Variants in CACHD1 observed in about 807,000 individuals in gnomAD.
CACHD1 encodes VWFA and cache domain-containing protein 1.
CACHD1 carries 71 observed loss-of-function variants against 138.7 expected under a neutral mutation model. The observed-to-expected ratio is 0.51, with a 90% CI of 0.42 to 0.62. The LOEUF (loss-of-function observed/expected upper bound fraction) is 0.62, where lower values mean the gene tolerates loss of function less well. Among genes scored for constraint, CACHD1 ranks in the 20% least tolerant of loss-of-function variants. CACHD1 has a pLI of 0.00. For synonymous variants in CACHD1, 578 were observed against 591.5 expected (o/e 0.98, Z 0.33); for missense variants, 1,389 against 1,625.3 (o/e 0.85, Z 2.50).
intron 11 of CACHD1, 37 bp downstream of exon 11, chr1:64,653,918 C>T (rs1472840125): frequency 6.3e-7 from 1 of 1,596,568 alleles, no homozygotes. Flanking sequence ...TTGTTTTTCC[C>T]TGAGAATGGG....
At chr1:64,559,802 G>C (rs1646825329) in intron 2 of CACHD1, among the ~76,000 whole-genome samples, 1 of 152,124 alleles carries the variant, frequency 6.6e-6, no homozygotes, top group African/African-American at 2.4e-5. Context: ...CTGCGAGCAG[G>C]TTTTTGAGCA....
At chr1:64,508,332 T>A (rs1454272155) in intron 1 of CACHD1, among the ~76,000 whole-genome samples, 1 of 152,208 alleles carries the variant, frequency 6.6e-6, no homozygotes, top group South Asian at 2.1e-4. Flanking sequence ...AGGAATTACA[T>A]GAGAATGCCT....
At position 64,691,585 on chromosome 1, in the gene CACHD1, G is replaced by T. The variant is rs1363226525; in HGVS notation, c.*24G>T. On this transcript the variant is annotated 3_prime_UTR_variant, in exon 27 of 27. Coordinates refer to ENST00000651257, the MANE Select transcript of CACHD1 (RefSeq NM_020925.4). ...AACAATCTCCTCACCTCCACGCCAAGATGAGATCTGGGAGCTACAGAATGT... is the reference window on the plus strand; with the variant it reads ...AACAATCTCCTCACCTCCACGCCAATATGAGATCTGGGAGCTACAGAATGT... The T allele has an allele frequency of 6.3e-7, 1 of 1,592,736 alleles. No individual in the cohort carries two copies. Among genetic ancestry groups the T allele is most frequent in the African/African-American group, 1.3e-5 (1 of 74,404 alleles).
chr1:64,684,552 GTTTTAAAA>G (rs1272238456), intron 26 of CACHD1, among the ~76,000 whole-genome samples: 1 of 151,840 alleles, frequency 6.6e-6, no homozygotes, highest in Non-Finnish European at 1.5e-5. Flanking sequence ...TAGTCAAAAA[GTTTTAAAA>G]GTTTAAAAGT....
chr1:64,499,742 G>A (rs1282472080), intron 1 of CACHD1, among the ~76,000 whole-genome samples: 1 of 152,158 alleles, frequency 6.6e-6, no homozygotes, highest in Non-Finnish European at 1.5e-5. Context: ...ATAATCTTCA[G>A]TACTTTGAAA....
intron 4 of CACHD1, among the ~76,000 whole-genome samples, chr1:64,609,381 T>C (rs943859867): frequency 6.6e-6 from 1 of 152,206 alleles, no homozygotes; most frequent in Non-Finnish European, 1.5e-5. Context: ...ATTAGTTGTA[T>C]AACATTTAAA....
intron 3 of CACHD1, among the ~76,000 whole-genome samples, chr1:64,586,168 C>G (rs1647049810): frequency 6.6e-6 from 1 of 152,142 alleles, no homozygotes; most frequent in Non-Finnish European, 1.5e-5. Flanking sequence ...GGCTCAAGCG[C>G]TTCTCACGCC....
intron 12 of CACHD1, among the ~76,000 whole-genome samples, chr1:64,657,472 T>C (rs1649304725): frequency 6.6e-6 from 1 of 152,136 alleles, no homozygotes; most frequent in African/African-American, 2.4e-5. Flanking sequence ...ACACACAACA[T>C]AGGAAAACAA....
At chr1:64,487,335 T>TC (rs986058216) in intron 1 of CACHD1, among the ~76,000 whole-genome samples, 4 of 151,980 alleles carry the variant, frequency 2.6e-5, no homozygotes, top group Admixed American at 2.0e-4. Flanking sequence ...GGCACCTTTC[T>TC]CCCCCCAGGC....
chr1:64,682,788 T>C (rs903308533), intron 26 of CACHD1, among the ~76,000 whole-genome samples: 2 of 152,146 alleles, frequency 1.3e-5, no homozygotes, highest in Non-Finnish European at 2.9e-5. Flanking sequence ...AGAGTCCATA[T>C]CGCTCATTGT....
chr1:64,505,160 C>G (rs1419722697), intron 1 of CACHD1, among the ~76,000 whole-genome samples: 1 of 152,130 alleles, frequency 6.6e-6, no homozygotes, highest in Non-Finnish European at 1.5e-5. Flanking sequence ...TACCACCACC[C>G]AATTTTAAGC....
chr1:64,665,302 A>C (rs1649593477), intron 15 of CACHD1, among the ~76,000 whole-genome samples: 1 of 151,940 alleles, frequency 6.6e-6, no homozygotes, highest in Non-Finnish European at 1.5e-5. Flanking sequence ...AAAAAAAAAA[A>C]TACAAAAATT....
chr1:64,588,480 G>C (rs1647070172), intron 3 of CACHD1, among the ~76,000 whole-genome samples: 1 of 150,358 alleles, frequency 6.7e-6, no homozygotes, highest in Non-Finnish European at 1.5e-5. Flanking sequence ...GGAGTGCAGT[G>C]GCACGATCTC....
At chr1:64,545,878 G>A (rs935051417) in intron 1 of CACHD1, among the ~76,000 whole-genome samples, 1 of 152,084 alleles carries the variant, frequency 6.6e-6, no homozygotes, top group Non-Finnish European at 1.5e-5. Flanking sequence ...AAGACATTTT[G>A]TTCTTGTTTT....
intron 2 of CACHD1, among the ~76,000 whole-genome samples, chr1:64,566,282 A>G (rs1430119856): frequency 1.3e-5 from 2 of 152,180 alleles, no homozygotes; most frequent in Non-Finnish European, 1.5e-5. Flanking sequence ...AACTTTGTCC[A>G]TGTAGTATAT....
Position 64,555,417 on chromosome 1 carries a change from T to TTTTG in CACHD1, c.261+4777_261+4780dup, listed in dbSNP as rs551770084. 2.5e-3 allele frequency among the ~76,000 whole-genome samples: 377 copies of TTTTG among 152,236 alleles called. 10 individuals are homozygous for TTTTG. The South Asian group carries it at 0.065, about 26-fold the overall frequency. On this transcript the variant is annotated intron_variant, in intron 2 of 26. Transcript: ENST00000651257. ...TCTGCCTCTCTCACTTAAGACTTCT[T>TTTTG]TTTGTTTGTTTGTTTGTTTTGAGAT...
At chr1:64,571,853 A>G (rs1399674848) in intron 2 of CACHD1, among the ~76,000 whole-genome samples, 5 of 152,162 alleles carry the variant, frequency 3.3e-5, no homozygotes, top group Admixed American at 1.3e-4. Flanking sequence ...TATTATTTGC[A>G]TTGGGTCTGG....
At chr1:64,515,588 A>G (rs1646452822) in intron 1 of CACHD1, among the ~76,000 whole-genome samples, 1 of 152,208 alleles carries the variant, frequency 6.6e-6, no homozygotes, top group South Asian at 2.1e-4. Context: ...CTCACATGAG[A>G]AATGCTATTA....
rs1376041496 is a variant in CACHD1 at position 64,613,793 on chromosome 1, C to A, written c.517+10881C>A. Among the ~76,000 whole-genome samples the A allele has an allele frequency of 2.6e-5, 4 of 152,202 alleles. No individual in the cohort carries two copies. In the East Asian group the frequency reaches 5.8e-4, roughly 22 times the overall value. ...TCCTCTCTTACCATCCTCCTCACCT[C>A]ACTAATCATTATCTTCCTGAATGTT... On this transcript the variant is annotated intron_variant, in intron 4 of 26. Transcript: ENST00000651257.
Sources: gnomAD v4.1 joint callset for allele counts (sites outside exome capture counted in the v4.1 genomes callset) on GRCh38, gnomAD v4.1.1 for gene constraint, MANE v1.5 for transcripts, NCBI Gene and HGNC (gene_info 2026-07-23, HGNC 2026-07-21) for gene names.